The following IKBKB-DT variants were observed in gnomAD, a reference collection of about 807,000 sequenced individuals.
IKBKB-DT encodes IKBKB antisense RNA.
intron 3 of IKBKB-DT, among the ~76,000 whole-genome samples, chr8:42,249,632 T>C (rs932487506): frequency 1.3e-5 from 2 of 152,114 alleles, no homozygotes; most frequent in African/African-American, 4.8e-5. Flanking sequence ...CAGAGGCTAG[T>C]GCAGATCTCA....
Position 42,251,188 on chromosome 8 carries a change from T to G in IKBKB-DT, n.1529+12141A>C, listed in dbSNP as rs1011750167. ...GACAAAAGATCTCTCAGCAAGGCCA[T>G]CTTTACTTTCTGCAGAAAGGGTGCT... On this transcript the variant is annotated intron_variant and non_coding_transcript_variant, in intron 3 of 3. Coordinates refer to ENST00000518213, the Ensembl canonical transcript of IKBKB-DT. Among the ~76,000 whole-genome samples the G allele has an allele frequency of 2.5e-4, 38 of 152,212 alleles. 1 individual carries two copies. The highest frequency in any genetic ancestry group is 8.8e-5 in the Non-Finnish European group (6 of 68,036).
intron 1 of IKBKB-DT, among the ~76,000 whole-genome samples, chr8:42,266,921 C>A (rs1364737957): frequency 6.6e-6 from 1 of 151,914 alleles, no homozygotes; most frequent in Non-Finnish European, 1.5e-5. Flanking sequence ...AAATGGGCAA[C>A]CAGTAGCCCT....
chr8:42,270,233 CCT>C (rs1306528196), intron 1 of IKBKB-DT: 1 of 152,272 alleles, frequency 6.6e-6, no homozygotes, highest in East Asian at 1.9e-4. Context: ...TGGCTCACAG[CCT>C]GTAATCTCAA....
At chr8:42,240,909 A>T (rs1806993539) in intron 3 of IKBKB-DT, among the ~76,000 whole-genome samples, 1 of 152,038 alleles carries the variant, frequency 6.6e-6, no homozygotes. Context: ...CTGGAAGCAG[A>T]GGTTGCTGTG....
chr8:42,266,492 T>A (rs1055986261), intron 1 of IKBKB-DT: 2 of 152,238 alleles, frequency 1.3e-5, no homozygotes, highest in Non-Finnish European at 2.9e-5. Context: ...GAACAAGATT[T>A]CATTTTAAAT....
intron 3 of IKBKB-DT, among the ~76,000 whole-genome samples, chr8:42,245,989 G>C (rs1404417196): frequency 2.6e-5 from 4 of 152,134 alleles, no homozygotes; most frequent in African/African-American, 9.7e-5. Context: ...ATATGATCCT[G>C]CTGTTAAAAA....
intron 3 of IKBKB-DT, among the ~76,000 whole-genome samples, chr8:42,257,298 T>C (rs1160070688): frequency 2.0e-5 from 3 of 149,238 alleles, no homozygotes; most frequent in African/African-American, 7.4e-5. Context: ...GGTCAACCAA[T>C]TGAGACCATC....
intron 3 of IKBKB-DT, among the ~76,000 whole-genome samples, chr8:42,234,485 A>C (rs1181013229): frequency 6.6e-6 from 1 of 152,208 alleles, no homozygotes; most frequent in African/African-American, 2.4e-5. Flanking sequence ...CAATAATGAA[A>C]TCACCTTTGC....
At position 42,267,826 on chromosome 8, in the gene IKBKB-DT, G is replaced by T. The variant is rs147435793; in HGVS notation, n.604-1430C>A. 2.1e-3 allele frequency among the ~76,000 whole-genome samples: 319 copies of T among 152,140 alleles called. 1 individual carries two copies. The highest frequency in any genetic ancestry group is 4.0e-3 in the Non-Finnish European group (275 of 68,016). ...TGAGCTTAAGATAATAAATATCTTG[G>T]AATATGATAAAACCCAGAGGCCCCT... On this transcript the variant is annotated intron_variant and non_coding_transcript_variant, in intron 1 of 3. Transcript: ENST00000518213.
At chr8:42,255,000 G>A (rs1412309488) in intron 3 of IKBKB-DT, among the ~76,000 whole-genome samples, 2 of 150,764 alleles carry the variant, frequency 1.3e-5, no homozygotes, top group African/African-American at 4.9e-5. Flanking sequence ...GCCTCTGCCC[G>A]GCCACCACCC....
intron 3 of IKBKB-DT, among the ~76,000 whole-genome samples, chr8:42,252,164 C>A (rs1242874620): frequency 1.3e-5 from 2 of 152,148 alleles, no homozygotes; most frequent in African/African-American, 2.4e-5. Context: ...AGGTAGAGAC[C>A]CCATCTGCAT....
intron 3 of IKBKB-DT, among the ~76,000 whole-genome samples, chr8:42,238,549 G>A (rs1388383609): frequency 6.6e-6 from 1 of 152,210 alleles, no homozygotes; most frequent in Admixed American, 6.5e-5. Flanking sequence ...ATGATAACCA[G>A]CCATGGTTCC....
chr8:42,262,293 AAAT>A (rs550183055), intron 3 of IKBKB-DT, among the ~76,000 whole-genome samples: 3,666 of 150,566 alleles, frequency 0.024, 66 homozygotes, highest in Non-Finnish European at 0.04. Flanking sequence ...AATAAAAAAA[AAAT>A]AAATAAAAGA....
At chr8:42,250,578 A>G (rs1377367740) in intron 3 of IKBKB-DT, among the ~76,000 whole-genome samples, 1 of 152,184 alleles carries the variant, frequency 6.6e-6, no homozygotes, top group Non-Finnish European at 1.5e-5. Flanking sequence ...TCCCAAAGTT[A>G]TCTTGGCCTA....
At chr8:42,240,576 G>C (rs1259863725) in intron 3 of IKBKB-DT, among the ~76,000 whole-genome samples, 1 of 121,104 alleles carries the variant, frequency 8.3e-6, no homozygotes, top group Non-Finnish European at 1.6e-5. Flanking sequence ...AGTGAGCCAA[G>C]ATCATTCCAC....
intron 3 of IKBKB-DT, chr8:42,255,214 C>T (rs1318522550): frequency 6.6e-6 from 1 of 152,240 alleles, no homozygotes; most frequent in Non-Finnish European, 1.5e-5. Flanking sequence ...GTACAACCTT[C>T]CAAGTGTGAC....
intron 3 of IKBKB-DT, among the ~76,000 whole-genome samples, chr8:42,238,552 A>G (rs1806955074): frequency 6.6e-6 from 1 of 152,202 alleles, no homozygotes; most frequent in Non-Finnish European, 1.5e-5. Flanking sequence ...ATAACCAGCC[A>G]TGGTTCCTTA....
intron 3 of IKBKB-DT, among the ~76,000 whole-genome samples, chr8:42,240,974 CAA>C (rs1002836742): frequency 2.0e-5 from 3 of 147,198 alleles, no homozygotes; most frequent in Admixed American, 2.0e-4. Context: ...GACTCCGTCT[CAA>C]AAAAAAAATG....
intron 3 of IKBKB-DT, among the ~76,000 whole-genome samples, chr8:42,242,448 G>T (rs954396265): frequency 3.9e-5 from 6 of 152,140 alleles, no homozygotes; most frequent in African/African-American, 1.4e-4. Context: ...GGTGGATGTT[G>T]TCAAGTGGAT....
Sources: gnomAD v4.1 joint callset for allele counts (sites outside exome capture counted in the v4.1 genomes callset) on GRCh38, gnomAD v4.1.1 for gene constraint, MANE v1.5 for transcripts, NCBI Gene and HGNC (gene_info 2026-07-23, HGNC 2026-07-21) for gene names.